The following OXR1 variants were observed in gnomAD, a reference collection of about 807,000 sequenced individuals.
OXR1 encodes oxidation resistance protein 1.
Under a neutral mutation model 104.6 loss-of-function variants are expected in OXR1, and 41 were observed. The observed-to-expected ratio is 0.39, with a 90% CI of 0.31 to 0.51. The LOEUF (loss-of-function observed/expected upper bound fraction) is 0.51. Among genes scored for constraint, OXR1 ranks in the 20% least tolerant of loss-of-function variants. The pLI is 0.77. For synonymous variants in OXR1, 348 were observed against 348.4 expected (o/e 1.00, Z 0.01); for missense variants, 955 against 1,031.9 (o/e 0.93, Z 1.02).
intron 2 of OXR1, among the ~76,000 whole-genome samples, chr8:106,443,402 G>A (rs1002438099): frequency 6.6e-6 from 1 of 152,064 alleles, no homozygotes; most frequent in Non-Finnish European, 1.5e-5. Flanking sequence ...GGGGTAGAGA[G>A]TTCTGTAGAT....
In OXR1 at chr8:106,710,743, A is replaced by C; in HGVS notation, c.1746A>C (p.Ala582=). 3 of 1,574,068 alleles carry C rather than the reference A, an allele frequency of 1.9e-6. No homozygotes were observed. Among genetic ancestry groups the C allele is most frequent in the Non-Finnish European group, 2.6e-6 (3 of 1,159,602 alleles). ...SQASATMQQY[A]QRDKKHEYWF... ...CAAGTGCTACAATGCAACAGTATGC[A>C]CAGAGAGATAAGAAACATGAATATT... The change falls in exon 10 of 17, where the codon GCA becomes GCC. Residue 582 remains alanine, a synonymous_variant. Transcript: ENST00000517566.
intron 6 of OXR1, among the ~76,000 whole-genome samples, chr8:106,689,260 AT>A (rs1018505103): frequency 6.6e-6 from 1 of 152,024 alleles, no homozygotes; most frequent in Non-Finnish European, 1.5e-5. Context: ...TCTTGTAAAT[AT>A]ATCACCACTT....
intron 7 of OXR1, among the ~76,000 whole-genome samples, chr8:106,694,612 TTATA>T (rs1313020692): frequency 8.7e-6 from 1 of 115,176 alleles, no homozygotes; most frequent in Non-Finnish European, 1.6e-5. Context: ...AAATATATGT[TTATA>T]TATATTTGAT....
chr8:106,335,594 AT>A (rs996780094), intron 1 of OXR1, among the ~76,000 whole-genome samples: 1 of 151,994 alleles, frequency 6.6e-6, no homozygotes, highest in African/African-American at 2.4e-5. Context: ...CTTGGTTATA[AT>A]TACTACAGTA....
intron 1 of OXR1, among the ~76,000 whole-genome samples, chr8:106,293,083 G>A (rs972407387): frequency 2.8e-4 from 43 of 152,136 alleles, no homozygotes; most frequent in African/African-American, 8.2e-4. Context: ...TGCAAAAAAT[G>A]GTAGTACACA....
At chr8:106,446,271 G>A (rs182312467) in intron 2 of OXR1, among the ~76,000 whole-genome samples, 4 of 152,216 alleles carry the variant, frequency 2.6e-5, no homozygotes, top group African/African-American at 9.6e-5. Flanking sequence ...AATACCCTGG[G>A]GCTATCCTGT....
At chr8:106,541,673 G>C (rs1814961907) in intron 3 of OXR1, among the ~76,000 whole-genome samples, 1 of 152,158 alleles carries the variant, frequency 6.6e-6, no homozygotes, top group Non-Finnish European at 1.5e-5. Flanking sequence ...GCTGATACCT[G>C]AGAAGCAAGG....
chr8:106,580,534 A>G (rs1258935259), intron 3 of OXR1, among the ~76,000 whole-genome samples: 2 of 152,244 alleles, frequency 1.3e-5, no homozygotes, highest in East Asian at 3.8e-4. Context: ...GTGAACATAA[A>G]TATGCAGATA....
chr8:106,716,838 T>C (rs1243904459), intron 11 of OXR1, among the ~76,000 whole-genome samples: 1 of 152,298 alleles, frequency 6.6e-6, no homozygotes, highest in Non-Finnish European at 1.5e-5. Context: ...ACAATTGTAA[T>C]GTATCTTACA....
intron 2 of OXR1, among the ~76,000 whole-genome samples, chr8:106,514,370 C>G (rs972670233): frequency 6.6e-6 from 1 of 151,966 alleles, no homozygotes; most frequent in Non-Finnish European, 1.5e-5. Flanking sequence ...AATTGTTAGC[C>G]AGTAATTCAA....
chr8:106,611,150 T>G (rs1820782763), intron 3 of OXR1, among the ~76,000 whole-genome samples: 1 of 152,200 alleles, frequency 6.6e-6, no homozygotes, highest in African/African-American at 2.4e-5. Flanking sequence ...AGAACACCCC[T>G]CTAAAGAGGA....
chr8:106,562,703 T>G (rs1816771051), intron 3 of OXR1, among the ~76,000 whole-genome samples: 1 of 152,046 alleles, frequency 6.6e-6, no homozygotes, highest in African/African-American at 2.4e-5. Context: ...GGAAAAAATG[T>G]TAAGGGCAGC....
chr8:106,344,846 G>T (rs1348742499), intron 1 of OXR1, among the ~76,000 whole-genome samples: 1 of 152,114 alleles, frequency 6.6e-6, no homozygotes, highest in Non-Finnish European at 1.5e-5. Context: ...AATCCCGTAT[G>T]CCTTTCTCTT....
intron 3 of OXR1, among the ~76,000 whole-genome samples, chr8:106,519,536 C>T (rs1813106450): frequency 6.6e-6 from 1 of 152,144 alleles, no homozygotes; most frequent in African/African-American, 2.4e-5. Flanking sequence ...CCTTCAGGCT[C>T]CCAGGTCTCT....
intron 3 of OXR1, among the ~76,000 whole-genome samples, chr8:106,590,335 T>C (rs1305994378): frequency 6.6e-6 from 1 of 152,226 alleles, no homozygotes; most frequent in African/African-American, 2.4e-5. Flanking sequence ...TCGCCCAGGC[T>C]GGAATGCACT....
chr8:106,372,124 G>A (rs1816731969), intron 2 of OXR1, among the ~76,000 whole-genome samples: 1 of 152,244 alleles, frequency 6.6e-6, no homozygotes. Flanking sequence ...CTGTTCCAGG[G>A]TTGGAACAGT....
intron 1 of OXR1, among the ~76,000 whole-genome samples, chr8:106,344,484 C>G (rs772624921): frequency 5.3e-5 from 8 of 152,098 alleles, no homozygotes; most frequent in Non-Finnish European, 8.8e-5. Context: ...ACTACAGGCG[C>G]GTGCCACCAT....
intron 2 of OXR1, among the ~76,000 whole-genome samples, chr8:106,483,629 A>T (rs936721306): frequency 6.6e-6 from 1 of 152,068 alleles, no homozygotes; most frequent in African/African-American, 2.4e-5. Flanking sequence ...TATCTGGTCC[A>T]CTTGAAAACA....
At chr8:106,582,177 C>CATATAT (rs71562108) in intron 3 of OXR1, among the ~76,000 whole-genome samples, 7,014 of 119,138 alleles carry the variant, frequency 0.059, 482 homozygotes, top group African/African-American at 0.16. Flanking sequence ...TTTCTATTGA[C>CATATAT]ATATATATAT....
Sources: gnomAD v4.1 joint callset for allele counts (sites outside exome capture counted in the v4.1 genomes callset) on GRCh38, gnomAD v4.1.1 for gene constraint, MANE v1.5 for transcripts, NCBI Gene and HGNC (gene_info 2026-07-23, HGNC 2026-07-21) for gene names.